The following SHF variants were observed in gnomAD, a reference collection of about 807,000 sequenced individuals.
SHF encodes SH2 domain-containing adapter protein F.
A neutral mutation model predicts 42.4 loss-of-function variants in SHF; 30 were observed. That is an observed-to-expected ratio of 0.71 (90% CI 0.53 to 0.96). SHF has a LOEUF of 0.96. Among genes scored for constraint, SHF ranks in the 40% least tolerant of loss-of-function variants. The pLI, the probability that SHF is intolerant of heterozygous loss-of-function variation, is 0.00. For missense variants in SHF, 598 were observed against 634.0 expected, an observed-to-expected ratio of 0.94 and a Z score of 0.61; for synonymous variants, 264 against 269.9, an observed-to-expected ratio of 0.98 and a Z score of 0.21.
chr15:45,181,845 AAAAT>A (rs1239880696), intron 1 of SHF, among the ~76,000 whole-genome samples: 3 of 152,234 alleles, frequency 2.0e-5, no homozygotes, highest in African/African-American at 4.8e-5. Context: ...TCAAAACTTA[AAAAT>A]AAATAAATAA....
At chr15:45,183,408 A>T (rs1459490769) in intron 1 of SHF, among the ~76,000 whole-genome samples, 9 of 150,826 alleles carry the variant, frequency 6.0e-5, no homozygotes, top group Admixed American at 5.9e-4. Flanking sequence ...TATTAAAGAC[A>T]AAAAGACCAA....
intron 1 of SHF, among the ~76,000 whole-genome samples, chr15:45,186,461 G>T (rs545232591): frequency 2.6e-5 from 4 of 152,376 alleles, no homozygotes; most frequent in African/African-American, 7.2e-5. Context: ...CTCTCGGGGT[G>T]AGTGAAGAAG....
At chr15:45,194,973 G>T (rs1323643132) in intron 2 of SHF, among the ~76,000 whole-genome samples, 1 of 152,000 alleles carries the variant, frequency 6.6e-6, no homozygotes, top group Non-Finnish European at 1.5e-5. Flanking sequence ...GGACTTACAG[G>T]CATGCACCAC....
At position 45,167,248 on chromosome 15, in the gene SHF, C is replaced by G. The variant is rs1401694347; in HGVS notation, c.*699G>C. The G allele has an allele frequency of 6.6e-6, 1 of 152,188 alleles. No individual in the cohort carries two copies. Among genetic ancestry groups the G allele is most frequent in the African/African-American group, 2.4e-5 (1 of 41,464 alleles). 9.4% of individuals were successfully genotyped at this position (152,188 alleles called of 1,614,324 possible). ...CAGCCGGGCTGTGTCTGCTCCAGAGCTGATTTATACGCAGAATCTGCGCTC... is the reference window on the plus strand; with the variant it reads ...CAGCCGGGCTGTGTCTGCTCCAGAGGTGATTTATACGCAGAATCTGCGCTC... On this transcript the variant is annotated 3_prime_UTR_variant, in exon 7 of 7. Transcript: ENST00000690270.
chr15:45,190,513 G>T (rs1898684686), upstream of SHF, among the ~76,000 whole-genome samples: 1 of 152,202 alleles, frequency 6.6e-6, no homozygotes, highest in Non-Finnish European at 1.5e-5. Context: ...GGGAGGTGAT[G>T]AATATGAAAA....
chr15:45,181,800 C>G (rs1301711698), intron 1 of SHF, among the ~76,000 whole-genome samples: 1 of 152,186 alleles, frequency 6.6e-6, no homozygotes, highest in Non-Finnish European at 1.5e-5. Context: ...GGGAAGACAC[C>G]TAAAACCACG....
At chr15:45,185,091 T>G (rs1321992271) in intron 1 of SHF, among the ~76,000 whole-genome samples, 1 of 152,118 alleles carries the variant, frequency 6.6e-6, no homozygotes, top group Non-Finnish European at 1.5e-5. Context: ...CTCCACCCAT[T>G]TCATCAAATC....
chr15:45,171,975 G>A lies in SHF; in HGVS notation c.1188C>T (p.Thr396=), dbSNP rs142265847. 212 of 1,613,966 alleles carry A rather than the reference G, an allele frequency of 1.3e-4. 1 individual carries two copies. The highest frequency in any genetic ancestry group is 1.7e-4 in the Non-Finnish European group (199 of 1,179,876). ...ACAGCCGGAGCAGGTTCTCGGCGTC[G>A]GTTCGGCTGATGGCCCCGTGATACC... ...QVWYHGAISR[T]DAENLLRLCK... is the part of the protein sequence containing the mutation. Residue 396 remains threonine (T), a synonymous_variant, in exon 6 of 7, where the codon ACC becomes ACT. Transcript: ENST00000690270.
chr15:45,176,814 G>T (rs917940199), intron 2 of SHF, among the ~76,000 whole-genome samples: 2 of 152,128 alleles, frequency 1.3e-5, no homozygotes, highest in Non-Finnish European at 2.9e-5. Context: ...GGCATTCATG[G>T]GGGCTTCCTG....
intron 4 of SHF, 124 bp from the exon 5 acceptor site, chr15:45,172,442 G>A: frequency 8.9e-7 from 1 of 1,118,006 alleles, no homozygotes; most frequent in Non-Finnish European, 1.2e-6. Context: ...AATGCTCTAG[G>A]AGGGCAGCCC....
chr15:45,193,662 G>A (rs1898777513), intron 2 of SHF, among the ~76,000 whole-genome samples: 1 of 152,164 alleles, frequency 6.6e-6, no homozygotes, highest in Admixed American at 6.5e-5. Flanking sequence ...AGGAAAGTAT[G>A]TCGCTTTTTA....
At chr15:45,189,532 G>A (rs1323498373), upstream of SHF, among the ~76,000 whole-genome samples, 1 of 151,602 alleles carries the variant, frequency 6.6e-6, no homozygotes, top group African/African-American at 2.4e-5. Context: ...GGGATTACAA[G>A]CGTGCGCCAC....
intron 2 of SHF, among the ~76,000 whole-genome samples, chr15:45,195,545 C>A (rs1411522920): frequency 6.6e-6 from 1 of 152,094 alleles, no homozygotes; most frequent in African/African-American, 2.4e-5. Context: ...TCTCTCAGGC[C>A]ACATTCTTTT....
rs1898500671 is a variant in SHF at position 45,187,585 on chromosome 15, C to G, written c.367G>C (p.Val123Leu). 1 of 1,230,148 alleles carries G rather than the reference C, an allele frequency of 8.1e-7. No homozygotes were observed. 76.2% of individuals were successfully genotyped at this position (1,230,148 alleles called of 1,614,324 possible). The change falls in exon 1 of 7, where the codon GTC (valine) becomes CTC (leucine). Residue 123 changes from valine (V) to leucine (L), a missense_variant. Val to Leu is a conservative substitution (Grantham distance 32, BLOSUM62 1). This residue lies in a region of SHF where 439 missense variants were observed against 524.6 expected (regional missense o/e 0.84). Coordinates refer to ENST00000690270, the MANE Select transcript of SHF (RefSeq NM_001394037.1). Reference protein sequence around the residue: ...SSGSAALATPVAPGPTPPPRH... With the variant: ...SSGSAALATPLAPGPTPPPRH... ...GGGGGCGGCGTGGGTCCGGGGGCGA[C>G]AGGGGTGGCGAGGGCGGCGGAGCCG...
chr15:45,178,346 G>A (rs771473164), intron 1 of SHF, 40 bp from the exon 2 acceptor site: 1 of 1,594,820 alleles, frequency 6.3e-7, no homozygotes, highest in African/African-American at 1.4e-5. Flanking sequence ...TCAGGGAGCA[G>A]AGAGGCAACT....
chr15:45,191,488 T>C (rs1258187705), upstream of SHF, among the ~76,000 whole-genome samples: 2 of 152,180 alleles, frequency 1.3e-5, no homozygotes, highest in African/African-American at 4.8e-5. Context: ...GCACCCAGCC[T>C]AGATTCAAAT....
chr15:45,178,359 GCTT>G, intron 1 of SHF, 53 bp from the exon 2 acceptor site: 1 of 1,583,582 alleles, frequency 6.3e-7, no homozygotes, highest in Non-Finnish European at 8.6e-7. Context: ...AGGCAACTCT[GCTT>G]CTCCCAAGGT....
exon 2 of SHF, chr15:45,199,024 G>T (rs1274954849): frequency 6.2e-7 from 1 of 1,608,036 alleles, no homozygotes; most frequent in Non-Finnish European, 8.5e-7. Flanking sequence ...AACCCTCCAG[G>T]GTTCCGGTCC....
At position 45,173,709 on chromosome 15, in the gene SHF, A is replaced by G; in HGVS notation, c.855T>C (p.Ile285=). The change falls in exon 4 of 7, where the codon ATT becomes ATC. Residue 285 remains isoleucine, a synonymous_variant. Transcript: ENST00000690270. The stretch of plus-strand genomic sequence containing the variant: ...GCCAAGGTAGGTCTTTGATGACCTT[A>G]ATGTCAACTGGAGCCAGCAGCAGAA... The part of the protein sequence containing the change: ...ERISKAFAVD[I]KVIKDLPWPP... The G allele has an allele frequency of 6.4e-7, 1 of 1,551,856 alleles. No individual in the cohort carries two copies. Among genetic ancestry groups the G allele is most frequent in the Non-Finnish European group, 8.7e-7 (1 of 1,146,982 alleles).
Sources: gnomAD v4.1 joint callset for allele counts (sites outside exome capture counted in the v4.1 genomes callset) on GRCh38, gnomAD v4.1.1 for gene constraint, gnomAD v4.1.1 regional missense constraint, MANE v1.5 for transcripts, NCBI Gene and HGNC (gene_info 2026-07-23, HGNC 2026-07-21) for gene names.